Variants in KALRN observed in about 807,000 individuals in gnomAD.
KALRN encodes the protein kalirin RhoGEF kinase, also known as kalirin.
Under a neutral mutation model 353.7 loss-of-function variants are expected in KALRN, and 70 were observed. That is an observed-to-expected ratio of 0.20 (90% CI 0.16 to 0.24). The LOEUF is 0.24. Ranked by LOEUF, KALRN falls within the 10% of genes least tolerant of loss-of-function variation. KALRN has a pLI of 1.00. For missense variants in KALRN, 2,791 were observed against 3,756.7 expected (o/e 0.74, Z 6.72); for synonymous variants, 1,391 against 1,434.8 (o/e 0.97, Z 0.69).
In KALRN at chr3:124,657,389, A is replaced by G. The variant is rs771467734; in HGVS notation, c.5863-59A>G. On this transcript the variant is annotated intron_variant, in intron 39 of 59. Coordinates refer to ENST00000682506, the MANE Select transcript of KALRN (RefSeq NM_001388419.1). ...TTGCAGGGGTGCTGTGGTGTGTGGC[A>G]TGGCCCAGAAAGCTTTCCTGTGAAA... is the stretch of plus-strand genomic sequence containing the variant. 2.0e-5 allele frequency: 24 copies of G among 1,180,742 alleles called. No individual in the cohort carries two copies. The East Asian group carries it at 4.0e-4, about 20-fold the overall frequency. 73.1% of individuals were successfully genotyped at this position (1,180,742 alleles called of 1,614,324 possible).
chr3:124,526,008 G>C (rs950932052), intron 33 of KALRN, among the ~76,000 whole-genome samples: 4 of 152,328 alleles, frequency 2.6e-5, no homozygotes, highest in African/African-American at 9.6e-5. Flanking sequence ...TCAGTTTAAT[G>C]GCACAGCAAT....
At chr3:124,515,656 A>T (rs1275879399) in intron 33 of KALRN, among the ~76,000 whole-genome samples, 1 of 152,222 alleles carries the variant, frequency 6.6e-6, no homozygotes, top group Non-Finnish European at 1.5e-5. Flanking sequence ...TATGAAATGT[A>T]TATGAACTCT....
At chr3:124,043,028 A>G (rs904027196) in intron 1 of KALRN, among the ~76,000 whole-genome samples, 1 of 152,238 alleles carries the variant, frequency 6.6e-6, no homozygotes, top group Non-Finnish European at 1.5e-5. Flanking sequence ...GAGGAGAACC[A>G]GGAGAGAGCA....
chr3:124,186,103 A>G (rs1481962962), intron 1 of KALRN, among the ~76,000 whole-genome samples: 1 of 152,198 alleles, frequency 6.6e-6, no homozygotes, highest in African/African-American at 2.4e-5. Context: ...CATCAGAGAA[A>G]AAGGATGTTT....
intron 15 of KALRN, among the ~76,000 whole-genome samples, chr3:124,424,836 G>C (rs544441703): frequency 3.3e-4 from 51 of 152,306 alleles, no homozygotes; most frequent in Middle Eastern, 3.4e-3. Context: ...GAGAAGTGGT[G>C]TTATGCTTAC....
intron 1 of KALRN, among the ~76,000 whole-genome samples, chr3:124,062,807 T>C (rs2042079206): frequency 6.6e-6 from 1 of 152,228 alleles, no homozygotes; most frequent in South Asian, 2.1e-4. Context: ...TGAAATTCTC[T>C]AGAAAACATA....
Position 124,725,372 on chromosome 3 carries a change from T to G in KALRN, c.*5902T>G, listed in dbSNP as rs1053732334. 1 of 152,210 alleles carries G rather than the reference T, an allele frequency of 6.6e-6. No homozygotes were observed. The highest frequency in any genetic ancestry group is 2.4e-5 in the African/African-American group (1 of 41,464). The allele number at this position is 152,210 out of a possible 1,614,324, so 9.4% of individuals were successfully genotyped here. On this transcript the variant is annotated 3_prime_UTR_variant, in exon 60 of 60. Transcript: ENST00000682506. ...GTAAAACTAGTAGTTAGAACAAATA[T>G]GAAGACTGAAAAAAACTAAACATAC...
chr3:124,273,349 G>A (rs981917986), intron 5 of KALRN, among the ~76,000 whole-genome samples: 4 of 152,216 alleles, frequency 2.6e-5, no homozygotes, highest in South Asian at 2.1e-4. Context: ...AACAGCTGTC[G>A]TGAGCCACCA....
At position 124,678,206 on chromosome 3, in the gene KALRN, C is replaced by A. The variant is rs1328607696; in HGVS notation, c.7210C>A (p.His2404Asn). The change falls in exon 50 of 60, where the codon CAT (histidine) becomes AAT (asparagine). Residue 2404 changes from histidine to asparagine, a missense_variant. Physicochemically the swap from His to Asn is moderately conservative, Grantham distance 68 (BLOSUM62 1). This residue lies in a region of KALRN where 1,065 missense variants were observed against 1,156.4 expected (regional missense o/e 0.92). Coordinates refer to ENST00000682506, the MANE Select transcript of KALRN (RefSeq NM_001388419.1). Reference protein sequence around the residue: ...DGSIKKSCSWHTLRMRKRAEV... With the variant: ...DGSIKKSCSWNTLRMRKRAEV... ...GTACAACAGGAAGTCATGTTCATGG[C>A]ATACTCTACGCATGAGAAAGCGGGC... 1.9e-6 allele frequency: 3 copies of A among 1,613,776 alleles called. No individual in the cohort carries two copies. In the Middle Eastern group the frequency reaches 5.0e-4, roughly 269 times the overall value.
At chr3:124,277,504 T>G (rs1293012979) in intron 5 of KALRN, among the ~76,000 whole-genome samples, 1 of 152,192 alleles carries the variant, frequency 6.6e-6, no homozygotes, top group East Asian at 1.9e-4. Flanking sequence ...TTTCCTCCCC[T>G]TGAACATTAG....
At position 124,110,465 on chromosome 3, in the gene KALRN, G is replaced by GCA. The variant is rs779715540; in HGVS notation, c.73+76653_73+76654insAC. Among the ~76,000 whole-genome samples, 18 of 33,068 alleles carry GCA rather than the reference G, an allele frequency of 5.4e-4. No individual in the cohort carries two copies. The South Asian group carries it at 0.017, about 31-fold the overall frequency. 21.7% of individuals were successfully genotyped at this position (33,068 alleles called of 152,430 possible). A position where few individuals can be genotyped will look rare whatever the true frequency, so the allele number is the denominator to read the frequency against. On this transcript the variant is annotated intron_variant, in intron 1 of 59. Coordinates refer to ENST00000682506, the MANE Select transcript of KALRN (RefSeq NM_001388419.1). ...ATGTATATATTTCATATATACACAC[G>GCA]CGCGCACACACACACACACACACAC...
chr3:124,577,781 G>A (rs2074256413), intron 34 of KALRN, among the ~76,000 whole-genome samples: 1 of 152,076 alleles, frequency 6.6e-6, no homozygotes, highest in Non-Finnish European at 1.5e-5. Flanking sequence ...TGAGGTGGGA[G>A]CCCATGATTT....
chr3:124,344,446 G>T (rs1228985044), intron 9 of KALRN, among the ~76,000 whole-genome samples: 1 of 152,236 alleles, frequency 6.6e-6, no homozygotes, highest in African/African-American at 2.4e-5. Flanking sequence ...ACAGTATGTG[G>T]TCTAAACACG....
In KALRN at chr3:124,642,806, G is replaced by GTTTTTTTTTTGTTGTTGTTGT. The variant is rs1553707031; in HGVS notation, c.5664+5513_5664+5514insGTTGTTGTTGTTTTTTTTTTT. Among the ~76,000 whole-genome samples, 49 of 96,820 alleles carry GTTTTTTTTTTGTTGTTGTTGT rather than the reference G, an allele frequency of 5.1e-4. 1 individual carries two copies. Among genetic ancestry groups the GTTTTTTTTTTGTTGTTGTTGT allele is most frequent in the African/African-American group, 2.1e-3 (47 of 22,308 alleles). 63.5% of individuals were successfully genotyped at this position (96,820 alleles called of 152,430 possible). On this transcript the variant is annotated intron_variant, in intron 37 of 59. Transcript: ENST00000682506. Reference sequence around the variant, plus strand: ...TCTGTGGAAGAGATTCCCAAGCCTCGTTTTTTTTTTTTTTTTTTTTGAGAC... The same window carrying GTTTTTTTTTTGTTGTTGTTGT: ...TCTGTGGAAGAGATTCCCAAGCCTCGTTTTTTTTTTGTTGTTGTTGTTTTTTTTTTTTTTTTTTTTTGAGAC...
At chr3:124,086,612 TATTTACTTCCTGC>T (rs2060839007) in intron 1 of KALRN, among the ~76,000 whole-genome samples, 1 of 152,188 alleles carries the variant, frequency 6.6e-6, no homozygotes, top group East Asian at 1.9e-4. Flanking sequence ...ACATGGCAAA[TATTTACTTCCTGC>T]ATTATCTTTT....
chr3:124,391,148 C>G (rs2089311698), intron 11 of KALRN, among the ~76,000 whole-genome samples: 1 of 151,142 alleles, frequency 6.6e-6, no homozygotes, highest in Admixed American at 6.6e-5. Flanking sequence ...ATGGAGCAAG[C>G]AACCATTGCC....
intron 13 of KALRN, among the ~76,000 whole-genome samples, chr3:124,406,912 A>G (rs1057122421): frequency 1.4e-5 from 2 of 140,380 alleles, no homozygotes; most frequent in African/African-American, 2.7e-5. Flanking sequence ...GCTCACTGCT[A>G]TCTCCGCCTC....
chr3:124,584,738 C>G, intron 34 of KALRN: 1 of 1,509,332 alleles, frequency 6.6e-7, no homozygotes, highest in Non-Finnish European at 8.8e-7. Context: ...TCTCGGGCGG[C>G]GGCGCTGAAG....
intron 34 of KALRN, among the ~76,000 whole-genome samples, chr3:124,611,925 A>G (rs2078021509): frequency 6.6e-6 from 1 of 152,216 alleles, no homozygotes; most frequent in Non-Finnish European, 1.5e-5. Flanking sequence ...CACTCCCATC[A>G]TTCAGGTCTC....
Sources: allele counts gnomAD v4.1 joint callset (sites outside exome capture counted in the v4.1 genomes callset), GRCh38; gene constraint gnomAD v4.1.1; regional missense constraint gnomAD v4.1.1; transcripts MANE v1.5; gene names NCBI Gene and HGNC (gene_info 2026-07-23, HGNC 2026-07-21).